Variants in RERE observed in about 807,000 individuals in gnomAD.
RERE encodes the protein arginine-glutamic acid dipeptide repeats, also known as arginine-glutamic acid dipeptide repeats protein.
RERE carries 40 observed loss-of-function variants against 146.1 expected under a neutral mutation model. That is an observed-to-expected ratio of 0.27 (90% CI 0.21 to 0.36). The LOEUF (loss-of-function observed/expected upper bound fraction) is 0.36, where lower values mean the gene tolerates loss of function less well. Among genes scored for constraint, RERE ranks in the 10% least tolerant of loss-of-function variants. RERE has a pLI of 1.00. For synonymous variants in RERE, 1,003 were observed against 866.0 expected, an observed-to-expected ratio of 1.16 and a Z score of -2.78; for missense variants, 1,933 against 2,138.7, an observed-to-expected ratio of 0.90 and a Z score of 1.90.
chr1:8,722,722 ATAAG>A (rs1419160198), intron 1 of RERE, among the ~76,000 whole-genome samples: 1 of 152,226 alleles, frequency 6.6e-6, no homozygotes, highest in African/African-American at 2.4e-5. Flanking sequence ...ACTGAATACT[ATAAG>A]TAATCTGGAG....
rs938738367 is a variant in RERE at position 8,497,445 on chromosome 1, C to T, written c.964G>A (p.Val322Ile). Residue 322 changes from valine to isoleucine, a missense_variant, in exon 9 of 23, where the codon GTT (valine) becomes ATT (isoleucine). This residue lies in a region of RERE where 260 missense variants were observed against 378.4 expected (regional missense o/e 0.69). Coordinates refer to ENST00000400908, the MANE Select transcript of RERE (RefSeq NM_001042681.2). ...QHEELVWMPG[V>I]NDCDLLMYLR... Reference sequence around the variant, plus strand: ...TACATAAGGAGGTCACAGTCGTTAACTCCAGGCATCCAGACCAGTTCCTCA... The same window carrying T: ...TACATAAGGAGGTCACAGTCGTTAATTCCAGGCATCCAGACCAGTTCCTCA... 1.9e-6 allele frequency: 3 copies of T among 1,614,084 alleles called. No individual in the cohort carries two copies. Among genetic ancestry groups the T allele is most frequent in the Non-Finnish European group, 2.5e-6 (3 of 1,180,034 alleles).
At chr1:8,757,911 TACACAC>T (rs35913290) in intron 1 of RERE, among the ~76,000 whole-genome samples, 22 of 30,170 alleles carry the variant, frequency 7.3e-4, no homozygotes, top group African/African-American at 1.9e-3. Flanking sequence ...CACACATACA[TACACAC>T]ACACACACAC....
At chr1:8,429,055 G>A (rs1183482056) in intron 11 of RERE, among the ~76,000 whole-genome samples, 1 of 152,142 alleles carries the variant, frequency 6.6e-6, no homozygotes, top group Non-Finnish European at 1.5e-5. Flanking sequence ...GTATGAGAAA[G>A]GCAGGGAAAC....
intron 1 of RERE, among the ~76,000 whole-genome samples, chr1:8,740,599 T>C (rs376165522): frequency 6.6e-5 from 10 of 152,232 alleles, no homozygotes; most frequent in African/African-American, 2.4e-4. Context: ...GAATACATTG[T>C]GCAGCTCTAC....
intron 1 of RERE, among the ~76,000 whole-genome samples, chr1:8,809,746 C>T (rs1319289827): frequency 6.6e-6 from 1 of 152,138 alleles, no homozygotes; most frequent in Non-Finnish European, 1.5e-5. Context: ...AGTGTGAACA[C>T]ACATACTGCT....
chr1:8,392,651 G>A (rs1169939044), intron 12 of RERE, among the ~76,000 whole-genome samples: 1 of 152,086 alleles, frequency 6.6e-6, no homozygotes, highest in Non-Finnish European at 1.5e-5. Context: ...CACACTAGCA[G>A]TAGAGTCCAT....
At chr1:8,543,369 G>C (rs1645821922) in intron 6 of RERE, among the ~76,000 whole-genome samples, 1 of 152,178 alleles carries the variant, frequency 6.6e-6, no homozygotes, top group African/African-American at 2.4e-5. Context: ...CAGTAAAATA[G>C]AGATAACACC....
chr1:8,372,507 C>CATGT (rs1553157691), intron 12 of RERE, among the ~76,000 whole-genome samples: 3 of 131,764 alleles, frequency 2.3e-5, no homozygotes, highest in African/African-American at 8.5e-5. Context: ...ACCATCAGGT[C>CATGT]GTGTGTGTGT....
At position 8,385,336 on chromosome 1, in the gene RERE, G is replaced by A. The variant is rs550754251; in HGVS notation, c.1285-19362C>T. ...CTTCCTCAAGAGTTTCAGACTGCCC[G>A]TTTGTGCTTTGTGCAGCTAGAGGGT... On this transcript the variant is annotated intron_variant, in intron 12 of 22. Coordinates refer to ENST00000400908, the MANE Select transcript of RERE (RefSeq NM_001042681.2). 3.9e-5 allele frequency among the ~76,000 whole-genome samples: 6 copies of A among 152,184 alleles called. No homozygotes were observed. In the East Asian group the frequency reaches 5.8e-4, roughly 15 times the overall value.
intron 1 of RERE, among the ~76,000 whole-genome samples, chr1:8,723,042 T>C (rs1455090305): frequency 6.6e-6 from 1 of 152,174 alleles, no homozygotes; most frequent in East Asian, 1.9e-4. Context: ...CACAAACGAT[T>C]CAGAACTTTC....
rs138541323 is a variant in RERE, at chr1:8,722,216, C to T, written c.-144-65775G>A. Among the ~76,000 whole-genome samples the T allele has an allele frequency of 1.8e-3, 274 of 152,350 alleles. 4 individuals carry two copies. The highest frequency in any genetic ancestry group is 5.4e-3 in the African/African-American group (226 of 41,574). On this transcript the variant is annotated intron_variant, in intron 1 of 22. Coordinates refer to ENST00000400908, the MANE Select transcript of RERE (RefSeq NM_001042681.2). ...TCTGACAGAAACACAACTCAATCCA[C>T]GCACAGGTCTTCCTGCCTCAACCTT... is the stretch of plus-strand genomic sequence containing the variant.
chr1:8,536,567 G>A (rs1255770698), intron 7 of RERE, among the ~76,000 whole-genome samples: 2 of 152,124 alleles, frequency 1.3e-5, no homozygotes, highest in African/African-American at 4.8e-5. Context: ...CTCCTAACTG[G>A]CTTTATTTAT....
chr1:8,729,456 C>T (rs1202370447), intron 1 of RERE, among the ~76,000 whole-genome samples: 5 of 151,878 alleles, frequency 3.3e-5, no homozygotes, highest in Non-Finnish European at 5.9e-5. Flanking sequence ...AACTCTTGAC[C>T]TTGTGATCCA....
Position 8,356,095 on chromosome 1 carries a change from C to T in RERE, c.4486+5G>A. The stretch of plus-strand genomic sequence containing the variant: ...TCCCCGCCCCTCCTGGAGGGGAAGT[C>T]TTACCGAAAACTGGGTGGCGAAGCA... On this transcript the variant is annotated splice_donor_5th_base_variant and intron_variant, in intron 21 of 22. Transcript: ENST00000400908. The surrounding 1 kb of genome is among the most constrained non-coding windows in gnomAD (Gnocchi z 5.2). The T allele has an allele frequency of 6.7e-7, 1 of 1,494,044 alleles. No individual in the cohort carries two copies. Among genetic ancestry groups the T allele is most frequent in the Non-Finnish European group, 8.9e-7 (1 of 1,124,602 alleles). The allele number at this position is 1,494,044 out of a possible 1,614,324, so 92.5% of individuals were successfully genotyped here. A position where few individuals can be genotyped will look rare whatever the true frequency, so the allele number is the denominator to read the frequency against.
chr1:8,355,210 G>A (rs1382509433), intron 22 of RERE, 90 bp from the exon 23 acceptor site: 1 of 1,396,788 alleles, frequency 7.2e-7, no homozygotes. Flanking sequence ...CAACAGCCAG[G>A]CAATCCAACC....
intron 12 of RERE, among the ~76,000 whole-genome samples, chr1:8,400,222 A>ATATATGTGTGTGTG (rs368219880): frequency 2.1e-5 from 3 of 140,156 alleles, no homozygotes; most frequent in South Asian, 2.4e-4. Context: ...CCTGTGTCAT[A>ATATATGTGTGTGTG]TGTGTGTGTG....
chr1:8,558,835 G>C (rs577362285), intron 4 of RERE, among the ~76,000 whole-genome samples: 1 of 141,946 alleles, frequency 7.0e-6, no homozygotes, highest in Admixed American at 7.3e-5. Flanking sequence ...TCACTGTGTC[G>C]CCCAGGCTGG....
At chr1:8,614,725 C>T (rs765990795) in intron 3 of RERE, 39 bp from the exon 4 acceptor site, 16 of 1,570,586 alleles carry the variant, frequency 1.0e-5, no homozygotes, top group East Asian at 4.6e-5. Flanking sequence ...GTGCCCAACG[C>T]CCCATCATGC....
At chr1:8,549,774 CATG>C (rs902917243) in intron 6 of RERE, among the ~76,000 whole-genome samples, 1 of 152,158 alleles carries the variant, frequency 6.6e-6, no homozygotes, top group African/African-American at 2.4e-5. Flanking sequence ...TCATGAAGCC[CATG>C]ATAAGATGCA....
Sources: allele counts gnomAD v4.1 joint callset (sites outside exome capture counted in the v4.1 genomes callset), GRCh38; gene constraint gnomAD v4.1.1; regional missense constraint gnomAD v4.1.1; non-coding constraint Gnocchi (gnomAD v3.1); transcripts MANE v1.5; gene names NCBI Gene and HGNC (gene_info 2026-07-23, HGNC 2026-07-21).